Variants in CCDC88A observed in about 807,000 individuals in gnomAD.
The protein encoded by CCDC88A is girdin.
A neutral mutation model predicts 234.3 loss-of-function variants in CCDC88A; 54 were observed. The ratio of observed to expected loss-of-function variants is 0.23; its 90% CI spans 0.19 to 0.29. The LOEUF is 0.29. Among genes scored for constraint, CCDC88A ranks in the 10% least tolerant of loss-of-function variants. CCDC88A has a pLI of 1.00. For synonymous variants in CCDC88A, 753 were observed against 737.8 expected (o/e 1.02, Z -0.33); for missense variants, 1,832 against 2,123.4 (o/e 0.86, Z 2.70).
chr2:55,295,569 G>A (rs761231065), intron 31 of CCDC88A, 28 bp downstream of exon 31: 1 of 1,613,994 alleles, frequency 6.2e-7, no homozygotes, highest in African/African-American at 1.3e-5. Flanking sequence ...AAGTATATGA[G>A]AGGACCACTG....
At position 55,338,815 on chromosome 2, in the gene CCDC88A, T is replaced by C. The variant is rs187500550; in HGVS notation, c.1518+649A>G. Among the ~76,000 whole-genome samples the C allele has an allele frequency of 3.7e-3, 565 of 152,242 alleles. 3 individuals are homozygous for C. Among genetic ancestry groups the C allele is most frequent in the African/African-American group, 0.011 (453 of 41,544 alleles). On this transcript the variant is annotated intron_variant, in intron 13 of 32. Coordinates refer to ENST00000436346, the MANE Select transcript of CCDC88A (RefSeq NM_001365480.1). ...CAGTAAGAAAAACAAATGCAGTGGATTGAAACAATACAAATATTTTTAAAT... is the reference window on the plus strand; with the variant it reads ...CAGTAAGAAAAACAAATGCAGTGGACTGAAACAATACAAATATTTTTAAAT...
rs1452000965 is a variant in CCDC88A, at chr2:55,328,735, T to C, written c.2856-300A>G. On this transcript the variant is annotated intron_variant, in intron 16 of 32. Coordinates refer to ENST00000436346, the MANE Select transcript of CCDC88A (RefSeq NM_001365480.1). This position sits in a 1 kb window ranked among gnomAD's most constrained non-coding sequence, Gnocchi z 4.3. ...AGTCCCAAAATATCCTTTTTATTAA[T>C]GAAGACTCCTTTGTTTTGTTTTGTT... 1.5e-5 allele frequency: 3 copies of C among 193,934 alleles called. No individual in the cohort carries two copies. Among genetic ancestry groups the C allele is most frequent in the African/African-American group, 7.3e-5 (3 of 40,970 alleles). 12.0% of individuals were successfully genotyped at this position (193,934 alleles called of 1,614,324 possible).
chr2:55,408,740 C>T (rs1198267635), intron 2 of CCDC88A, among the ~76,000 whole-genome samples: 1 of 152,100 alleles, frequency 6.6e-6, no homozygotes, highest in African/African-American at 2.4e-5. Context: ...TACTTATATT[C>T]CTCTACTTTC....
intron 13 of CCDC88A, chr2:55,337,679 A>T (rs1355048622): frequency 6.6e-6 from 1 of 152,204 alleles, no homozygotes; most frequent in Non-Finnish European, 1.5e-5. Context: ...ACAAAACAAA[A>T]AACAAAAAAA....
chr2:55,385,259 GAAGAA>G (rs1011854010), intron 3 of CCDC88A, among the ~76,000 whole-genome samples: 5 of 152,034 alleles, frequency 3.3e-5, no homozygotes, highest in African/African-American at 1.2e-4. Context: ...TTAAATATCT[GAAGAA>G]AAGAAAATGA....
intron 17 of CCDC88A, among the ~76,000 whole-genome samples, chr2:55,326,432 T>G (rs1684272189): frequency 6.6e-6 from 1 of 152,238 alleles, no homozygotes; most frequent in Non-Finnish European, 1.5e-5. Flanking sequence ...CGTATTTAAC[T>G]TTCACAGTCT....
chr2:55,329,228 TAA>T (rs1684638746), intron 16 of CCDC88A: 1 of 152,244 alleles, frequency 6.6e-6, no homozygotes, highest in Non-Finnish European at 1.5e-5. Flanking sequence ...TAATTATTAA[TAA>T]ATACTTTTTT....
intron 13 of CCDC88A, among the ~76,000 whole-genome samples, chr2:55,338,026 A>G (rs1668020155): frequency 6.6e-6 from 1 of 152,184 alleles, no homozygotes; most frequent in Non-Finnish European, 1.5e-5. Context: ...ATTGAAACTC[A>G]TTTGTTGTTT....
chr2:55,316,345 C>T (rs1388350182), intron 21 of CCDC88A, among the ~76,000 whole-genome samples: 1 of 151,874 alleles, frequency 6.6e-6, no homozygotes, highest in South Asian at 2.1e-4. Flanking sequence ...TTCATCCACC[C>T]ATCTCCACAC....
chr2:55,308,487 C>A, intron 25 of CCDC88A: 1 of 214,990 alleles, frequency 4.7e-6, no homozygotes, highest in East Asian at 1.2e-4. Context: ...CTCCTTGTAA[C>A]TGTCCTGTGA....
At chr2:55,407,375 C>G (rs2104968960) in intron 2 of CCDC88A, among the ~76,000 whole-genome samples, 1 of 152,016 alleles carries the variant, frequency 6.6e-6, no homozygotes, top group Non-Finnish European at 1.5e-5. Context: ...GAGACTGAGG[C>G]AGGTGCATCA....
intron 4 of CCDC88A, among the ~76,000 whole-genome samples, chr2:55,373,437 CA>C (rs1673127005): frequency 6.6e-6 from 1 of 152,224 alleles, no homozygotes. Flanking sequence ...TTCCCTGATC[CA>C]ATCATCAATG....
chr2:55,305,863 A>AC (rs71881168), intron 25 of CCDC88A, among the ~76,000 whole-genome samples: 1 of 107,342 alleles, frequency 9.3e-6, no homozygotes, highest in East Asian at 2.1e-4. Context: ...TCCATCTCTT[A>AC]AAAAAAAAAC....
chr2:55,355,858 T>C (rs899903808), intron 7 of CCDC88A, 107 bp from the exon 8 acceptor site: 1 of 789,494 alleles, frequency 1.3e-6, no homozygotes, highest in African/African-American at 1.7e-5. Flanking sequence ...CAAAAACAAT[T>C]CACTGGTCAA....
chr2:55,346,417 A>AT (rs1042954684), intron 9 of CCDC88A, 84 bp from the exon 10 acceptor site: 1 of 685,106 alleles, frequency 1.5e-6, no homozygotes, highest in African/African-American at 1.9e-5. Flanking sequence ...AATTTTATTT[A>AT]TTTATTTATT....
intron 23 of CCDC88A, among the ~76,000 whole-genome samples, chr2:55,312,047 C>G (rs929191115): frequency 2.0e-5 from 3 of 152,152 alleles, no homozygotes; most frequent in Non-Finnish European, 4.4e-5. Flanking sequence ...GGCTGGCATG[C>G]CTCCTCAAGC....
chr2:55,333,421 G>A (rs1685155362), intron 15 of CCDC88A, among the ~76,000 whole-genome samples: 1 of 152,120 alleles, frequency 6.6e-6, no homozygotes, highest in Admixed American at 6.5e-5. Flanking sequence ...ATAGATTCAA[G>A]CAAATACTAG....
chr2:55,352,132 G>C (rs1240202979), intron 8 of CCDC88A, among the ~76,000 whole-genome samples: 1 of 151,926 alleles, frequency 6.6e-6, no homozygotes, highest in Non-Finnish European at 1.5e-5. Flanking sequence ...TGATGAAAAT[G>C]TCATGAAATT....
chr2:55,365,922 C>G (rs1671878053), intron 5 of CCDC88A, among the ~76,000 whole-genome samples: 1 of 152,116 alleles, frequency 6.6e-6, no homozygotes, highest in African/African-American at 2.4e-5. Context: ...GCTAGTGCAA[C>G]TGGGAAACTG....
Sources: gnomAD v4.1 joint callset for allele counts (sites outside exome capture counted in the v4.1 genomes callset) on GRCh38, gnomAD v4.1.1 for gene constraint, Gnocchi (gnomAD v3.1) non-coding constraint, MANE v1.5 for transcripts, NCBI Gene and HGNC (gene_info 2026-07-23, HGNC 2026-07-21) for gene names.